PEPD: variants seen among roughly 807,000 people sequenced by gnomAD.
PEPD encodes xaa-Pro dipeptidase.
In PEPD, 53 loss-of-function variants were observed where a neutral mutation model predicts 60.7. The ratio of observed to expected loss-of-function variants is 0.87; its 90% CI spans 0.70 to 1.10. The LOEUF (loss-of-function observed/expected upper bound fraction) is 1.10, where lower values mean the gene tolerates loss of function less well. PEPD is among the 50% of genes least tolerant of loss of function. The pLI is 0.00. For synonymous variants in PEPD, 267 were observed against 284.1 expected, an observed-to-expected ratio of 0.94 and a Z score of 0.60; for missense variants, 711 against 711.9, an observed-to-expected ratio of 1.00 and a Z score of 0.01.
chr19:33,452,122 A>G (rs1307042489), intron 9 of PEPD, among the ~76,000 whole-genome samples: 4 of 152,222 alleles, frequency 2.6e-5, no homozygotes, highest in Non-Finnish European at 5.9e-5. Context: ...CTTCAAAATT[A>G]AAAACCAAAA....
chr19:33,435,487 G>A (rs1386607171), intron 9 of PEPD, among the ~76,000 whole-genome samples: 3 of 152,196 alleles, frequency 2.0e-5, no homozygotes, highest in Admixed American at 6.5e-5. Context: ...GAGGGGCGCC[G>A]AGCCCAGACG....
chr19:33,493,097 G>A (rs1970531129), intron 5 of PEPD, among the ~76,000 whole-genome samples, 193 bp downstream of exon 5: 1 of 152,142 alleles, frequency 6.6e-6, no homozygotes, highest in African/African-American at 2.4e-5. Flanking sequence ...GGCTGGCCTG[G>A]AACTCCTGGC....
rs368654557 is a variant in PEPD at position 33,451,150 on chromosome 19, C to G, written c.671+11845G>C. 2.7e-4 allele frequency among the ~76,000 whole-genome samples: 41 copies of G among 152,334 alleles called. 1 individual carries two copies. The South Asian group carries it at 8.1e-3, about 30-fold the overall frequency. On this transcript the variant is annotated intron_variant, in intron 9 of 14. Coordinates refer to ENST00000244137, the MANE Select transcript of PEPD (RefSeq NM_000285.4). ...TGTCACAATGCCTGAACTGTAACAC[C>G]GCTGCTTTAATAAAGCTGTTTCTTC...
chr19:33,502,952 C>CG (rs71181361), intron 3 of PEPD, among the ~76,000 whole-genome samples: 8,614 of 77,370 alleles, frequency 0.11, 502 homozygotes, highest in African/African-American at 0.18. Context: ...AACTGGGGGG[C>CG]GGGGGGGGGT....
chr19:33,437,489 C>T (rs1969400686), intron 9 of PEPD, among the ~76,000 whole-genome samples: 2 of 151,598 alleles, frequency 1.3e-5, no homozygotes, highest in South Asian at 2.1e-4. Context: ...AGAGGAGACA[C>T]GGGGGCAGGC....
At chr19:33,413,213 G>A (rs1341085945) in intron 10 of PEPD, among the ~76,000 whole-genome samples, 3 of 152,346 alleles carry the variant, frequency 2.0e-5, no homozygotes, top group Non-Finnish European at 2.9e-5. Context: ...AAGCTGCCCA[G>A]CCTGAGCTCA....
intron 12 of PEPD, among the ~76,000 whole-genome samples, chr19:33,394,393 G>C (rs1221494461): frequency 6.6e-6 from 1 of 152,230 alleles, no homozygotes; most frequent in Non-Finnish European, 1.5e-5. Context: ...GCCCAGATGT[G>C]CCGGCCCGGG....
At chr19:33,406,849 C>T (rs1046179063) in intron 11 of PEPD, among the ~76,000 whole-genome samples, 1 of 152,146 alleles carries the variant, frequency 6.6e-6, no homozygotes, top group Non-Finnish European at 1.5e-5. Context: ...ATTATCTAGC[C>T]AGGGAAGGAG....
chr19:33,425,946 A>G (rs184509255), intron 9 of PEPD, among the ~76,000 whole-genome samples: 25 of 152,216 alleles, frequency 1.6e-4, no homozygotes, highest in Non-Finnish European at 3.5e-4. Flanking sequence ...AGTAGCTAGG[A>G]CTACTGGTGT....
intron 4 of PEPD, among the ~76,000 whole-genome samples, chr19:33,497,063 G>A (rs1970621553): frequency 6.6e-6 from 1 of 152,254 alleles, no homozygotes; most frequent in Non-Finnish European, 1.5e-5. Context: ...CACGCTGGTG[G>A]CCTGCACTGC....
chr19:33,517,004 AC>A (rs55848651), intron 1 of PEPD, among the ~76,000 whole-genome samples: 152,084 of 152,084 alleles, frequency 1, 76,042 homozygotes, highest in Non-Finnish European at 1. Context: ...ACATGGCAAA[AC>A]CCCCATCTCT....
At position 33,468,506 on chromosome 19, in the gene PEPD, C is replaced by T. The variant is rs923541234; in HGVS notation, c.549-4444G>A. On this transcript the variant is annotated intron_variant, in intron 7 of 14. Coordinates refer to ENST00000244137, the MANE Select transcript of PEPD (RefSeq NM_000285.4). ...ATCGAGGCAGCCCAGACAGAGGCCC[C>T]GAGGCAGGCGAGGATGGCGGGAATG... is the stretch of plus-strand genomic sequence containing the variant. Among the ~76,000 whole-genome samples, 6 of 152,346 alleles carry T rather than the reference C, an allele frequency of 3.9e-5. No homozygotes were observed. In the East Asian group the frequency reaches 1.2e-3, roughly 30 times the overall value.
At chr19:33,478,780 G>T (rs1970266396) in intron 6 of PEPD, among the ~76,000 whole-genome samples, 3 of 151,800 alleles carry the variant, frequency 2.0e-5, no homozygotes, top group Middle Eastern at 3.4e-3. Flanking sequence ...AAACCCAAGA[G>T]AATTTATTAC....
intron 1 of PEPD, among the ~76,000 whole-genome samples, chr19:33,514,892 G>A (rs1357730516): frequency 6.6e-6 from 1 of 151,920 alleles, no homozygotes; most frequent in Non-Finnish European, 1.5e-5. Flanking sequence ...TTCCCTTAAC[G>A]TTCGCACAGC....
At chr19:33,401,691 T>C in intron 12 of PEPD, 30 bp downstream of exon 12, 1 of 1,593,764 alleles carries the variant, frequency 6.3e-7, no homozygotes, top group South Asian at 1.1e-5. Flanking sequence ...CCACGTCAGA[T>C]GCGCCTCCCC....
chr19:33,511,963 G>A lies in PEPD; in HGVS notation c.201+630C>T, dbSNP rs188217436. 1.5e-4 allele frequency among the ~76,000 whole-genome samples: 23 copies of A among 152,232 alleles called. No homozygotes were observed. The East Asian group carries it at 4.3e-3, about 28-fold the overall frequency. On this transcript the variant is annotated intron_variant, in intron 2 of 14. Transcript: ENST00000244137. ...CAGCCCATCTGTGGCCTGCTGGGGC[G>A]ACAGGGTCCAGCTAGGGAAGCCACG... is the stretch of plus-strand genomic sequence containing the variant.
At chr19:33,389,510 C>T (rs1403548828) in intron 13 of PEPD, among the ~76,000 whole-genome samples, 5 of 152,196 alleles carry the variant, frequency 3.3e-5, no homozygotes, top group African/African-American at 1.2e-4. Flanking sequence ...CCCACCCCAC[C>T]GCCGCCCATC....
rs1416064148 is a variant in PEPD, at chr19:33,471,204, C to G, written c.548+6842G>C. ...GAAACCAGCCTGGCTGGGCTTTGGCCTGGCCCAATTGAATCTATGCTTAAA... is the reference window on the plus strand; with the variant it reads ...GAAACCAGCCTGGCTGGGCTTTGGCGTGGCCCAATTGAATCTATGCTTAAA... On this transcript the variant is annotated intron_variant, in intron 7 of 14. Coordinates refer to ENST00000244137, the MANE Select transcript of PEPD (RefSeq NM_000285.4). 2.6e-5 allele frequency among the ~76,000 whole-genome samples: 4 copies of G among 152,118 alleles called. No homozygotes were observed. In the South Asian group the frequency reaches 6.2e-4, roughly 24 times the overall value.
chr19:33,393,078 C>T (rs1177095589), intron 12 of PEPD, among the ~76,000 whole-genome samples: 1 of 127,186 alleles, frequency 7.9e-6, no homozygotes, highest in East Asian at 2.0e-4. Flanking sequence ...CCTGCCCCCA[C>T]CCCCCACACA....
Sources: gnomAD v4.1 joint callset for allele counts (sites outside exome capture counted in the v4.1 genomes callset) on GRCh38, gnomAD v4.1.1 for gene constraint, MANE v1.5 for transcripts, NCBI Gene and HGNC (gene_info 2026-07-23, HGNC 2026-07-21) for gene names.